PTAR1: variants seen among roughly 807,000 people sequenced by gnomAD.
PTAR1 encodes protein prenyltransferase alpha subunit repeat-containing protein 1.
PTAR1 carries 17 observed loss-of-function variants against 45.5 expected under a neutral mutation model. The observed-to-expected ratio is 0.37, with a 90% CI of 0.26 to 0.56. PTAR1 has a LOEUF of 0.56. Among genes scored for constraint, PTAR1 ranks in the 20% least tolerant of loss-of-function variants. The pLI is 0.77. For synonymous variants in PTAR1, 169 were observed against 171.3 expected, an observed-to-expected ratio of 0.99 and a Z score of 0.11; for missense variants, 391 against 476.3, an observed-to-expected ratio of 0.82 and a Z score of 1.67.
At chr9:69,753,527 C>T (rs1018258178) in intron 1 of PTAR1, among the ~76,000 whole-genome samples, 1 of 152,116 alleles carries the variant, frequency 6.6e-6, no homozygotes, top group Non-Finnish European at 1.5e-5. Flanking sequence ...CATATACATA[C>T]ATATCAGTAT....
chr9:69,747,258 C>G (rs1168382906), intron 2 of PTAR1, among the ~76,000 whole-genome samples: 1 of 152,190 alleles, frequency 6.6e-6, no homozygotes, highest in Admixed American at 6.5e-5. Flanking sequence ...TGCAAGCCAT[C>G]TGAGTAAAGG....
chr9:69,731,938 C>A, intron 5 of PTAR1: 1 of 583,906 alleles, frequency 1.7e-6, no homozygotes, highest in Middle Eastern at 4.6e-4. Flanking sequence ...AGCCTTAAGA[C>A]TGCCAAAAAC....
At chr9:69,750,242 T>A (rs1425946917) in intron 2 of PTAR1, among the ~76,000 whole-genome samples, 1 of 151,958 alleles carries the variant, frequency 6.6e-6, no homozygotes, top group African/African-American at 2.4e-5. Context: ...TTTTGCTCAT[T>A]TCAGCACAGG....
At chr9:69,751,240 C>A (rs1826518509) in intron 1 of PTAR1, among the ~76,000 whole-genome samples, 2 of 152,054 alleles carry the variant, frequency 1.3e-5, no homozygotes. Flanking sequence ...AGCAATTCAA[C>A]TGCTCAGAAA....
At chr9:69,737,967 G>A (rs1188719992) in intron 3 of PTAR1, among the ~76,000 whole-genome samples, 1 of 152,090 alleles carries the variant, frequency 6.6e-6, no homozygotes, top group Non-Finnish European at 1.5e-5. Context: ...TTATGCAACA[G>A]TATTGATATT....
chr9:69,758,687 C>T, intron 1 of PTAR1: 1 of 416,172 alleles, frequency 2.4e-6, no homozygotes, highest in Non-Finnish European at 5.0e-6. Context: ...GGCTTCTTAA[C>T]TGTTTTACAA....
Position 69,750,889 on chromosome 9 carries a change from C to T in PTAR1, c.148G>A (p.Val50Ile). 3 of 1,610,308 alleles carry T rather than the reference C, an allele frequency of 1.9e-6. No homozygotes were observed. The highest frequency in any genetic ancestry group is 2.5e-6 in the Non-Finnish European group (3 of 1,177,984). The change falls in exon 2 of 8, where the codon GTT (valine) becomes ATT (isoleucine). Residue 50 changes from valine to isoleucine, a missense_variant. Val to Ile is a conservative substitution (Grantham distance 29). Transcript: ENST00000340434. The part of the protein sequence containing the change: ...ARYNRSPIVL[V>I]ENKLGVESWC... ...CTCTCCACACCCAGTTTGTTTTCAA[C>T]CAGGACTATGGGACTCCGGTTATAC...
At position 69,750,996 on chromosome 9, in the gene PTAR1, C is replaced by A. The variant is rs1033500859; in HGVS notation, c.87-46G>T. On this transcript the variant is annotated intron_variant, in intron 1 of 7. Coordinates refer to ENST00000340434, the MANE Select transcript of PTAR1 (RefSeq NM_001099666.2). ...AAAGAATTAAAAATAAGGATACTAA[C>A]CTTTTCAACATTTTTCTAATTTCAG... 1.3e-5 allele frequency: 17 copies of A among 1,289,478 alleles called. No homozygotes were observed. The African/African-American group carries it at 1.7e-4, about 13-fold the overall frequency. 79.9% of individuals were successfully genotyped at this position (1,289,478 alleles called of 1,614,324 possible). A position where few individuals can be genotyped will look rare whatever the true frequency, so the allele number is the denominator to read the frequency against.
In PTAR1 at chr9:69,732,431, T is replaced by C. The variant is rs1825583022; in HGVS notation, c.429-79A>G. ...AAAAATAACCAGTTTTCATTGTTCC[T>C]AATTTAATTTCCATTCAGAGACAAT... On this transcript the variant is annotated intron_variant, in intron 4 of 7. Coordinates refer to ENST00000340434, the MANE Select transcript of PTAR1 (RefSeq NM_001099666.2). 7.8e-6 allele frequency: 8 copies of C among 1,020,262 alleles called. No homozygotes were observed. In the East Asian group the frequency reaches 1.9e-4, roughly 25 times the overall value. 63.2% of individuals were successfully genotyped at this position (1,020,262 alleles called of 1,614,324 possible). A position where few individuals can be genotyped will look rare whatever the true frequency, so the allele number is the denominator to read the frequency against.
rs369155055 is a variant in PTAR1 at position 69,722,603 on chromosome 9, T to A, written c.947+723A>T. On this transcript the variant is annotated intron_variant, in intron 6 of 7. Coordinates refer to ENST00000340434, the MANE Select transcript of PTAR1 (RefSeq NM_001099666.2). ...TTCTTGGGGTCTAATCAAATCTCAATCCTGACTGTGCATCAATGTGTTGAG... is the reference window on the plus strand; with the variant it reads ...TTCTTGGGGTCTAATCAAATCTCAAACCTGACTGTGCATCAATGTGTTGAG... Among the ~76,000 whole-genome samples the A allele has an allele frequency of 5.1e-3, 766 of 150,996 alleles. 8 individuals are homozygous for A. Among genetic ancestry groups the A allele is most frequent in the African/African-American group, 0.018 (732 of 41,070 alleles).
intron 4 of PTAR1, 116 bp downstream of exon 4, chr9:69,734,034 G>A (rs1404193085): frequency 3.1e-6 from 2 of 647,952 alleles, no homozygotes. Flanking sequence ...TAGGTAACCT[G>A]ACTTCAGAAT....
intron 6 of PTAR1, among the ~76,000 whole-genome samples, chr9:69,722,026 A>G (rs753319576): frequency 2.6e-5 from 4 of 152,160 alleles, no homozygotes; most frequent in African/African-American, 9.7e-5. Context: ...AAAACATGAA[A>G]TAAGTGTCTT....
intron 1 of PTAR1, 41 bp downstream of exon 1, chr9:69,759,812 C>A: frequency 6.6e-7 from 1 of 1,504,354 alleles, no homozygotes; most frequent in South Asian, 1.2e-5. Flanking sequence ...CCCCCGCCCG[C>A]TCCCGACGAC....
At position 69,714,722 on chromosome 9, in the gene PTAR1, C is replaced by T. The variant is rs1824661321; in HGVS notation, c.*3620G>A. On this transcript the variant is annotated 3_prime_UTR_variant, in exon 8 of 8. Transcript: ENST00000340434. ...GATAACCTGTATATATTTAACCCTA[C>T]TAATAATTAAGCCTTTAAGTGAGAA... 1 of 151,950 alleles carries T rather than the reference C, an allele frequency of 6.6e-6. No homozygotes were observed. The highest frequency in any genetic ancestry group is 1.5e-5 in the Non-Finnish European group (1 of 67,976). 9.4% of individuals were successfully genotyped at this position (151,950 alleles called of 1,614,324 possible).
chr9:69,758,556 G>T (rs942793414), intron 1 of PTAR1: 13 of 211,432 alleles, frequency 6.1e-5, no homozygotes, highest in African/African-American at 2.8e-4. Context: ...AGTCATAAGG[G>T]GGAGGGAAGT....
Position 69,715,293 on chromosome 9 carries a change from T to C in PTAR1, c.*3049A>G, listed in dbSNP as rs972918477. On this transcript the variant is annotated 3_prime_UTR_variant, in exon 8 of 8. Transcript: ENST00000340434. ...GAAAGCATCATTCATTCCCAATCCA[T>C]TGCACTAATCCATCAATTTCTCAAT... The C allele has an allele frequency of 6.6e-6, 1 of 152,122 alleles. No individual in the cohort carries two copies. The highest frequency in any genetic ancestry group is 6.6e-5 in the Admixed American group (1 of 15,246). The allele number at this position is 152,122 out of a possible 1,614,324, so 9.4% of individuals were successfully genotyped here.
intron 6 of PTAR1, among the ~76,000 whole-genome samples, chr9:69,719,454 T>A (rs539180839): frequency 6.6e-6 from 1 of 152,278 alleles, no homozygotes; most frequent in Admixed American, 6.5e-5. Flanking sequence ...GGTTGTTACA[T>A]CTCATCATTC....
intron 2 of PTAR1, 39 bp from the exon 3 acceptor site, chr9:69,741,897 T>C: frequency 7.8e-7 from 1 of 1,281,308 alleles, no homozygotes; most frequent in African/African-American, 1.5e-5. Flanking sequence ...CAAATAGTCC[T>C]ACCTTTTAAA....
At chr9:69,756,649 A>C (rs997064970) in intron 1 of PTAR1, among the ~76,000 whole-genome samples, 2 of 152,074 alleles carry the variant, frequency 1.3e-5, no homozygotes, top group Non-Finnish European at 2.9e-5. Flanking sequence ...GCTCCCTCTG[A>C]GACTACAAAT....
Sources: allele counts gnomAD v4.1 joint callset (sites outside exome capture counted in the v4.1 genomes callset), GRCh38; gene constraint gnomAD v4.1.1; transcripts MANE v1.5; gene names NCBI Gene and HGNC (gene_info 2026-07-23, HGNC 2026-07-21).